The following DSCAM variants were observed in gnomAD, a reference collection of about 807,000 sequenced individuals.
DSCAM encodes the protein DS cell adhesion molecule, also known as cell adhesion molecule DSCAM.
In DSCAM, 47 loss-of-function variants were observed where a neutral mutation model predicts 217.7. The ratio of observed to expected loss-of-function variants is 0.22; its 90% CI spans 0.17 to 0.28. The LOEUF (loss-of-function observed/expected upper bound fraction) is 0.28. DSCAM is among the 10% of genes least tolerant of loss of function. DSCAM has a pLI of 1.00. For missense variants in DSCAM, 2,080 were observed against 2,618.3 expected (o/e 0.79, Z 4.49); for synonymous variants, 1,056 against 1,015.3 (o/e 1.04, Z -0.76).
At chr21:40,552,418 AT>A (rs1401932200) in intron 3 of DSCAM, among the ~76,000 whole-genome samples, 5 of 152,216 alleles carry the variant, frequency 3.3e-5, no homozygotes, top group African/African-American at 1.2e-4. Context: ...AGCACACTGC[AT>A]TTCTCAAATC....
At chr21:40,039,181 AAAG>A (rs1479208387) in intron 32 of DSCAM, among the ~76,000 whole-genome samples, 2 of 152,166 alleles carry the variant, frequency 1.3e-5, no homozygotes, top group East Asian at 1.9e-4. Flanking sequence ...AAAGAAAAGA[AAAG>A]AAAAAGAATA....
At chr21:40,440,791 T>C (rs1362835502) in intron 3 of DSCAM, among the ~76,000 whole-genome samples, 2 of 150,460 alleles carry the variant, frequency 1.3e-5, no homozygotes, top group Non-Finnish European at 3.0e-5. Flanking sequence ...GGCTACCCCA[T>C]ATGACAGGAC....
At chr21:40,441,778 T>C (rs539705921) in intron 3 of DSCAM, among the ~76,000 whole-genome samples, 16 of 152,340 alleles carry the variant, frequency 1.1e-4, no homozygotes, top group African/African-American at 3.4e-4. Context: ...TGTGCATGCA[T>C]CTTTTCCCAT....
chr21:40,332,306 C>T (rs1037979085), intron 8 of DSCAM, among the ~76,000 whole-genome samples: 7 of 152,120 alleles, frequency 4.6e-5, no homozygotes, highest in African/African-American at 1.2e-4. Flanking sequence ...AGAGTCACCA[C>T]GGGTTGTGTT....
chr21:40,759,898 G>C (rs974740886), intron 1 of DSCAM, among the ~76,000 whole-genome samples: 1 of 152,130 alleles, frequency 6.6e-6, no homozygotes, highest in Non-Finnish European at 1.5e-5. Flanking sequence ...GGGAGGTGAC[G>C]AGAGGGGCAT....
intron 3 of DSCAM, among the ~76,000 whole-genome samples, chr21:40,518,574 A>ATG (rs2076332849): frequency 1.2e-5 from 1 of 86,630 alleles, no homozygotes; most frequent in African/African-American, 5.9e-5. Flanking sequence ...ACATATATAC[A>ATG]TACACACACA....
intron 29 of DSCAM, among the ~76,000 whole-genome samples, chr21:40,052,376 CT>C (rs1383408116): frequency 6.6e-6 from 1 of 152,166 alleles, no homozygotes; most frequent in Non-Finnish European, 1.5e-5. Context: ...TCTCTTTTCT[CT>C]TTGGGCTTGG....
intron 1 of DSCAM, among the ~76,000 whole-genome samples, chr21:40,796,825 T>C (rs1043097372): frequency 1.3e-5 from 2 of 152,180 alleles, no homozygotes; most frequent in African/African-American, 4.8e-5. Flanking sequence ...ATAATCAAGA[T>C]CAAAGAGCTA....
chr21:40,535,328 C>T (rs2076486896), intron 3 of DSCAM, among the ~76,000 whole-genome samples: 1 of 152,170 alleles, frequency 6.6e-6, no homozygotes, highest in Non-Finnish European at 1.5e-5. Context: ...ATATCCTCAA[C>T]CATAATGTCA....
intron 3 of DSCAM, among the ~76,000 whole-genome samples, chr21:40,563,717 TTTATA>T (rs2076741851): frequency 1.4e-5 from 2 of 146,442 alleles, no homozygotes; most frequent in African/African-American, 2.5e-5. Flanking sequence ...TATAGTTATG[TTTATA>T]TATGTTTATA....
intron 1 of DSCAM, among the ~76,000 whole-genome samples, chr21:40,719,763 G>A (rs1381989102): frequency 6.6e-6 from 1 of 152,142 alleles, no homozygotes; most frequent in African/African-American, 2.4e-5. Flanking sequence ...ATGATGTTGA[G>A]AGTCAGAATA....
chr21:40,033,265 G>C (rs532528149), intron 32 of DSCAM, among the ~76,000 whole-genome samples: 2 of 152,178 alleles, frequency 1.3e-5, no homozygotes, highest in East Asian at 1.9e-4. Context: ...CTGAGGTACC[G>C]GGTTCATCTC....
chr21:40,367,989 C>A (rs1459770142), intron 4 of DSCAM, among the ~76,000 whole-genome samples: 2 of 152,118 alleles, frequency 1.3e-5, no homozygotes. Context: ...GCCTTTCCAA[C>A]CCTGAGAGAT....
intron 7 of DSCAM, 102 bp downstream of exon 7, chr21:40,339,017 T>C: frequency 7.1e-7 from 1 of 1,415,428 alleles, no homozygotes; most frequent in Non-Finnish European, 9.7e-7. Context: ...CAACAGTTAA[T>C]CCGCTCTGGC....
intron 1 of DSCAM, among the ~76,000 whole-genome samples, chr21:40,768,554 T>C (rs1436701425): frequency 6.6e-6 from 1 of 152,216 alleles, no homozygotes; most frequent in Admixed American, 6.5e-5. Flanking sequence ...TGGCTAATAT[T>C]TTGGGTATAA....
At chr21:40,292,557 G>A (rs1253934771) in intron 10 of DSCAM, among the ~76,000 whole-genome samples, 1 of 151,134 alleles carries the variant, frequency 6.6e-6, no homozygotes, top group East Asian at 1.9e-4. Context: ...AGACACTACT[G>A]CAAACTGAGG....
chr21:40,705,719 A>C (rs2090707549), intron 2 of DSCAM, among the ~76,000 whole-genome samples: 1 of 152,216 alleles, frequency 6.6e-6, no homozygotes, highest in Non-Finnish European at 1.5e-5. Context: ...GGTCCCTCCC[A>C]GGACCCATGG....
At chr21:40,727,387 A>G (rs2090967009) in intron 1 of DSCAM, among the ~76,000 whole-genome samples, 1 of 152,144 alleles carries the variant, frequency 6.6e-6, no homozygotes, top group Admixed American at 6.5e-5. Context: ...ATTTGTTAGT[A>G]CTTCAGAAAA....
At chr21:40,686,707 C>T (rs2090482491) in intron 3 of DSCAM, among the ~76,000 whole-genome samples, 1 of 152,128 alleles carries the variant, frequency 6.6e-6, no homozygotes, top group Non-Finnish European at 1.5e-5. Context: ...TGCAGACTAG[C>T]TGCTATTGTG....
Sources: gnomAD v4.1 joint callset for allele counts (sites outside exome capture counted in the v4.1 genomes callset) on GRCh38, gnomAD v4.1.1 for gene constraint, MANE v1.5 for transcripts, NCBI Gene and HGNC (gene_info 2026-07-23, HGNC 2026-07-21) for gene names.